The following FAR1 variants were observed in gnomAD, a reference collection of about 807,000 sequenced individuals.
FAR1 encodes the protein male sterility domain-containing protein 2.
A neutral mutation model predicts 61.1 loss-of-function variants in FAR1; 22 were observed. That is an observed-to-expected ratio of 0.36 (90% CI 0.26 to 0.51). The LOEUF (loss-of-function observed/expected upper bound fraction) is 0.51. Ranked by LOEUF, FAR1 falls within the 20% of genes least tolerant of loss-of-function variation. FAR1 has a pLI of 0.95. For missense variants in FAR1, 359 were observed against 626.9 expected (o/e 0.57, Z 4.56); for synonymous variants, 206 against 209.7 (o/e 0.98, Z 0.15).
chr11:13,694,714 A>G (rs565669518), intron 1 of FAR1, 45 bp from the exon 2 acceptor site: 15 of 1,449,352 alleles, frequency 1.0e-5, no homozygotes, highest in African/African-American at 2.8e-5. Flanking sequence ...TGAAAGAATG[A>G]TGGTGAATCC....
rs139929719 is a variant in FAR1 at position 13,721,638 on chromosome 11, A to G, written c.1128-92A>G. 2.3e-3 allele frequency: 2,109 copies of G among 934,526 alleles called. 25 individuals are homozygous for G. In the African/African-American group the frequency reaches 0.032, roughly 14 times the overall value. 57.9% of individuals were successfully genotyped at this position (934,526 alleles called of 1,614,324 possible). A position where few individuals can be genotyped will look rare whatever the true frequency, so the allele number is the denominator to read the frequency against. ...TGTTATAATTTTAATACTAATGTCT[A>G]TATTATAGGGGGAAACTTGCACCCT... On this transcript the variant is annotated intron_variant, in intron 9 of 11. Coordinates refer to ENST00000354817, the MANE Select transcript of FAR1 (RefSeq NM_032228.6). This position sits in a 1 kb window ranked among gnomAD's most constrained non-coding sequence, Gnocchi z 4.2.
chr11:13,723,070 G>A (rs1327493413), intron 10 of FAR1, among the ~76,000 whole-genome samples: 3 of 151,884 alleles, frequency 2.0e-5, no homozygotes, highest in East Asian at 3.9e-4. Context: ...ATTTCAGCAC[G>A]TTAAAGAACT....
At chr11:13,684,934 C>T (rs781100426) in intron 1 of FAR1, among the ~76,000 whole-genome samples, 1 of 152,064 alleles carries the variant, frequency 6.6e-6, no homozygotes, top group Non-Finnish European at 1.5e-5. Flanking sequence ...TAAGCAAGAC[C>T]GCAAATCTTC....
At position 13,683,742 on chromosome 11, in the gene FAR1, A is replaced by G. The variant is rs59945651; in HGVS notation, c.-7-11017A>G. The stretch of plus-strand genomic sequence containing the variant: ...AGAAGGCACAGAAGAGCCAATTTTA[A>G]TAGAAAAAACACGTAAATGGGCTGG... On this transcript the variant is annotated intron_variant, in intron 1 of 11. Coordinates refer to ENST00000354817, the MANE Select transcript of FAR1 (RefSeq NM_032228.6). 3.9e-5 allele frequency among the ~76,000 whole-genome samples: 6 copies of G among 152,174 alleles called. No homozygotes were observed. In the East Asian group the frequency reaches 1.2e-3, roughly 29 times the overall value.
intron 1 of FAR1, among the ~76,000 whole-genome samples, chr11:13,694,448 T>C (rs189727687): frequency 3.1e-4 from 47 of 152,278 alleles, no homozygotes; most frequent in African/African-American, 1.1e-3. Context: ...AAGATTTGAG[T>C]TCTTATTGCT....
intron 3 of FAR1, among the ~76,000 whole-genome samples, chr11:13,701,950 G>T (rs7943330): frequency 0.3 from 45,964 of 151,922 alleles, 7,286 homozygotes; most frequent in South Asian, 0.38. Flanking sequence ...GTTATTAACC[G>T]CCTTAAGCCT....
At chr11:13,670,021 C>T (rs984441744) in intron 1 of FAR1, 1 of 152,144 alleles carries the variant, frequency 6.6e-6, no homozygotes, top group Non-Finnish European at 1.5e-5. Flanking sequence ...TACAGTAATA[C>T]AAGTGAGAAT....
intron 1 of FAR1, among the ~76,000 whole-genome samples, chr11:13,669,958 C>T (rs961164830): frequency 6.6e-6 from 1 of 152,084 alleles, no homozygotes; most frequent in African/African-American, 2.4e-5. Flanking sequence ...GGGAGTTTCT[C>T]AGCTGTCATG....
intron 1 of FAR1, among the ~76,000 whole-genome samples, chr11:13,675,092 GA>G (rs894021085): frequency 7.0e-6 from 1 of 142,084 alleles, no homozygotes. Flanking sequence ...CATGCAGTGT[GA>G]TAAGTATAAT....
At chr11:13,700,581 G>A (rs932848671) in intron 3 of FAR1, 89 bp downstream of exon 3, 3 of 861,352 alleles carry the variant, frequency 3.5e-6, no homozygotes, top group Admixed American at 3.7e-5. Flanking sequence ...AATTTGTTTT[G>A]AATGTGATTT....
Position 13,722,858 on chromosome 11 carries a change from C to CTCTATA in FAR1, c.1257+1000_1257+1001insCTATAT, listed in dbSNP as rs905924337. Among the ~76,000 whole-genome samples, 209 of 147,872 alleles carry CTCTATA rather than the reference C, an allele frequency of 1.4e-3. 1 individual carries two copies. The highest frequency in any genetic ancestry group is 4.9e-3 in the African/African-American group (195 of 39,876). ...TAGATTTCTCCCTCTCTCTCTCTCTCTATATATATATATATATATAAAATA... is the reference window on the plus strand; with the variant it reads ...TAGATTTCTCCCTCTCTCTCTCTCTCTCTATATATATATATATATATATATAAAATA... On this transcript the variant is annotated intron_variant, in intron 10 of 11. Coordinates refer to ENST00000354817, the MANE Select transcript of FAR1 (RefSeq NM_032228.6).
intron 9 of FAR1, among the ~76,000 whole-genome samples, chr11:13,718,932 C>T (rs145194516): frequency 9.4e-4 from 143 of 152,268 alleles, no homozygotes; most frequent in Non-Finnish European, 1.2e-3. Flanking sequence ...TGAGCTTCCT[C>T]GCAGTATGGC....
At chr11:13,715,441 A>T (rs543660305) in intron 9 of FAR1, among the ~76,000 whole-genome samples, 1 of 152,278 alleles carries the variant, frequency 6.6e-6, no homozygotes, top group African/African-American at 2.4e-5. Flanking sequence ...TTAAAAACCT[A>T]GGGATGAGTT....
chr11:13,714,824 C>T (rs1848538121), intron 9 of FAR1, 144 bp downstream of exon 9: 2 of 684,166 alleles, frequency 2.9e-6, no homozygotes, highest in Non-Finnish European at 4.3e-6. Flanking sequence ...GAATTTAAGA[C>T]TTTGTCAGAA....
intron 1 of FAR1, among the ~76,000 whole-genome samples, chr11:13,694,291 A>G (rs11022936): frequency 0.032 from 4,893 of 152,234 alleles, 113 homozygotes; most frequent in Non-Finnish European, 0.047. Context: ...TCTTGTTTCA[A>G]TTGGTGTTGA....
At chr11:13,708,447 G>GTGCA (rs1555063885) in intron 4 of FAR1, among the ~76,000 whole-genome samples, 2 of 136,732 alleles carry the variant, frequency 1.5e-5, no homozygotes, top group Admixed American at 7.2e-5. Flanking sequence ...GCGCGCGCGC[G>GTGCA]CACACACACA....
intron 10 of FAR1, among the ~76,000 whole-genome samples, chr11:13,726,361 A>T (rs896949386): frequency 6.6e-6 from 1 of 151,950 alleles, no homozygotes; most frequent in Non-Finnish European, 1.5e-5. Flanking sequence ...TTTCTCTAAC[A>T]TGGGTTTTCT....
chr11:13,727,278 G>A (rs181195521), intron 10 of FAR1, among the ~76,000 whole-genome samples: 8 of 151,784 alleles, frequency 5.3e-5, no homozygotes, highest in African/African-American at 1.7e-4. Flanking sequence ...TAGCAAAATG[G>A]TACAGGCTTT....
intron 10 of FAR1, among the ~76,000 whole-genome samples, chr11:13,722,164 CTT>C (rs912181486): frequency 6.6e-6 from 1 of 151,936 alleles, no homozygotes; most frequent in African/African-American, 2.4e-5. Flanking sequence ...CTTTCAAACA[CTT>C]TGTTTTCTCT....
Sources: gnomAD v4.1 joint callset for allele counts (sites outside exome capture counted in the v4.1 genomes callset) on GRCh38, gnomAD v4.1.1 for gene constraint, Gnocchi (gnomAD v3.1) non-coding constraint, MANE v1.5 for transcripts, NCBI Gene and HGNC (gene_info 2026-07-23, HGNC 2026-07-21) for gene names.